The following JHY variants were observed in gnomAD, a reference collection of about 807,000 sequenced individuals.
The protein encoded by JHY is jhy protein homolog.
A neutral mutation model predicts 78.0 loss-of-function variants in JHY; 69 were observed. That is an observed-to-expected ratio of 0.88 (90% CI 0.73 to 1.08). The LOEUF (loss-of-function observed/expected upper bound fraction) is 1.08, where lower values mean the gene tolerates loss of function less well. JHY is among the 50% of genes least tolerant of loss of function. The pLI is 0.00. For missense variants in JHY, 944 were observed against 927.8 expected, an observed-to-expected ratio of 1.02 and a Z score of -0.23; for synonymous variants, 368 against 342.6, an observed-to-expected ratio of 1.07 and a Z score of -0.82.
At chr11:122,925,300 G>C (rs1172529481) in intron 4 of JHY, among the ~76,000 whole-genome samples, 1 of 152,150 alleles carries the variant, frequency 6.6e-6, no homozygotes, top group Non-Finnish European at 1.5e-5. Flanking sequence ...AAGACATGCA[G>C]GAAAAATCAC....
In JHY at chr11:122,934,610, A is replaced by T; in HGVS notation, c.1169A>T (p.Asn390Ile). Reference sequence around the variant, plus strand: ...GAAGAGGTGACTGCCAGTCAGGGGAACCAGAATAACCCTCCCAGGCAGCAA... The same window carrying T: ...GAAGAGGTGACTGCCAGTCAGGGGATCCAGAATAACCCTCCCAGGCAGCAA... ...TTEEVTASQG[N>I]QNNPPRQQQN... The change falls in exon 5 of 9, where the codon AAC becomes ATC. Residue 390 changes from asparagine to isoleucine, a missense_variant. Asn to Ile is a moderately radical substitution (Grantham distance 149). Coordinates refer to ENST00000227349, the MANE Select transcript of JHY (RefSeq NM_024806.4). 6.2e-6 allele frequency: 10 copies of T among 1,614,134 alleles called. No homozygotes were observed. The highest frequency in any genetic ancestry group is 8.5e-6 in the Non-Finnish European group (10 of 1,180,020).
In JHY at chr11:122,934,549, T is replaced by A; in HGVS notation, c.1108T>A (p.Cys370Ser). The change falls in exon 5 of 9, where the codon TGT becomes AGT. Residue 370 changes from cysteine (C) to serine (S), a missense_variant. Cys to Ser is a moderately radical substitution (Grantham distance 112). Coordinates refer to ENST00000227349, the MANE Select transcript of JHY (RefSeq NM_024806.4). ...RPAKLKIRKQ[C>S]KHQNGLKSST... Reference sequence around the variant, plus strand: ...AGCCAAGCTCAAGATTCGAAAGCAGTGTAAACACCAGAATGGCCTGAAGTC... The same window carrying A: ...AGCCAAGCTCAAGATTCGAAAGCAGAGTAAACACCAGAATGGCCTGAAGTC... The A allele has an allele frequency of 6.2e-7, 1 of 1,614,016 alleles. No individual in the cohort carries two copies. Among genetic ancestry groups the A allele is most frequent in the Non-Finnish European group, 8.5e-7 (1 of 1,179,996 alleles).
In JHY at chr11:122,946,759, G is replaced by A. The variant is rs1417970681; in HGVS notation, c.1896G>A (p.Lys632=). The A allele has an allele frequency of 4.3e-6, 7 of 1,610,178 alleles. No homozygotes were observed. Among genetic ancestry groups the A allele is most frequent in the Non-Finnish European group, 5.9e-6 (7 of 1,179,018 alleles). The stretch of plus-strand genomic sequence containing the variant: ...AAGGCTATCTGTTTCAACTGGAAAA[G>A]GGAAAAAAGCATAAGAAAAGAAGCA... ...NSEGYLFQLE[K]GKKHKKRSSS... is the part of the protein sequence containing the mutation. The change falls in exon 6 of 9, where the codon AAG becomes AAA. Residue 632 remains lysine, a synonymous_variant. Transcript: ENST00000227349.
At chr11:122,906,060 G>C (rs554487562) in intron 3 of JHY, among the ~76,000 whole-genome samples, 56 of 151,990 alleles carry the variant, frequency 3.7e-4, no homozygotes, top group Admixed American at 1.8e-3. Context: ...GTGAATTCAA[G>C]CAGTTTTTAG....
At chr11:122,944,169 C>T (rs1383613287) in intron 5 of JHY, among the ~76,000 whole-genome samples, 1 of 152,142 alleles carries the variant, frequency 6.6e-6, no homozygotes, top group African/African-American at 2.4e-5. Context: ...TGCATTCCAG[C>T]CTGGGTGATA....
At chr11:122,949,164 A>G (rs1864033016) in intron 6 of JHY, among the ~76,000 whole-genome samples, 1 of 152,018 alleles carries the variant, frequency 6.6e-6, no homozygotes, top group Non-Finnish European at 1.5e-5. Context: ...AACATGGTGC[A>G]TGCTGGGGAT....
At chr11:122,947,024 A>C (rs1196816794) in intron 6 of JHY, 2 of 442,556 alleles carry the variant, frequency 4.5e-6, no homozygotes, top group African/African-American at 2.0e-5. Flanking sequence ...CCTCCTGTTC[A>C]AGTCATCTTG....
At chr11:122,905,510 G>C in intron 3 of JHY, 1 of 1,148,250 alleles carries the variant, frequency 8.7e-7, no homozygotes. Context: ...TTTTCTAATG[G>C]AACAAAATAG....
intron 2 of JHY, among the ~76,000 whole-genome samples, chr11:122,900,554 T>G (rs1862831795): frequency 7.4e-6 from 1 of 134,844 alleles, no homozygotes; most frequent in South Asian, 2.6e-4. Flanking sequence ...TGGGGGTGCT[T>G]TACAAATTGA....
intron 4 of JHY, among the ~76,000 whole-genome samples, chr11:122,932,150 C>T (rs892530556): frequency 6.6e-6 from 1 of 152,060 alleles, no homozygotes; most frequent in Non-Finnish European, 1.5e-5. Context: ...GGTCTTGCCA[C>T]CTAAAGAGTG....
intron 2 of JHY, 33 bp downstream of exon 2, chr11:122,886,226 G>A: frequency 1.3e-6 from 2 of 1,540,984 alleles, no homozygotes; most frequent in African/African-American, 1.4e-5. Flanking sequence ...ATAATAATGG[G>A]CTCTAAAATG....
intron 3 of JHY, among the ~76,000 whole-genome samples, chr11:122,922,139 C>A (rs1863379840): frequency 2.0e-5 from 3 of 152,188 alleles, no homozygotes; most frequent in Non-Finnish European, 4.4e-5. Context: ...AGAAGAATTT[C>A]ATGATCAAAC....
At chr11:122,909,046 C>T (rs1051519073) in intron 3 of JHY, among the ~76,000 whole-genome samples, 1 of 152,026 alleles carries the variant, frequency 6.6e-6, no homozygotes, top group African/African-American at 2.4e-5. Context: ...TTCATTTATA[C>T]TTTTTGTGTA....
At chr11:122,910,626 A>G (rs955833811) in intron 3 of JHY, among the ~76,000 whole-genome samples, 1 of 152,218 alleles carries the variant, frequency 6.6e-6, no homozygotes, top group Non-Finnish European at 1.5e-5. Flanking sequence ...GTACCTTTTC[A>G]AATCTCTTAA....
chr11:122,928,555 A>G (rs933388053), intron 4 of JHY, among the ~76,000 whole-genome samples: 35 of 146,282 alleles, frequency 2.4e-4, no homozygotes, highest in Admixed American at 2.3e-3. Context: ...GATACGGGGA[A>G]AAAAAAAAAA....
intron 5 of JHY, among the ~76,000 whole-genome samples, chr11:122,938,986 C>CTT (rs61703024): frequency 3.7e-5 from 5 of 133,862 alleles, no homozygotes; most frequent in South Asian, 2.4e-4. Flanking sequence ...CCTGCTTCTT[C>CTT]TTTTTTTTTT....
Position 122,934,719 on chromosome 11 carries a change from C to G in JHY, c.1278C>G (p.Ala426=), listed in dbSNP as rs369626332. ...IMHASNNDVQ[A]SRALRSHNLK... ...ATGCCTCTAACAATGATGTACAAGC[C>G]TCAAGGGCACTTAGAAGCCACAATC... is the stretch of plus-strand genomic sequence containing the variant. The change falls in exon 5 of 9, where the codon GCC becomes GCG. Residue 426 remains alanine, a synonymous_variant. Transcript: ENST00000227349. 2 of 1,614,012 alleles carry G rather than the reference C, an allele frequency of 1.2e-6. No individual in the cohort carries two copies. Among genetic ancestry groups the G allele is most frequent in the Admixed American group, 1.7e-5 (1 of 59,994 alleles).
At position 122,885,904 on chromosome 11, in the gene JHY, A is replaced by G. The variant is rs1862484224; in HGVS notation, c.55A>G (p.Thr19Ala). 6.2e-7 allele frequency: 1 copy of G among 1,614,142 alleles called. No homozygotes were observed. Among genetic ancestry groups the G allele is most frequent in the East Asian group, 2.2e-5 (1 of 44,880 alleles). The change falls in exon 2 of 9, where the codon ACC becomes GCC. Residue 19 changes from threonine (T) to alanine (A), a missense_variant. Thr to Ala is a moderately conservative substitution (Grantham distance 58). Coordinates refer to ENST00000227349, the MANE Select transcript of JHY (RefSeq NM_024806.4). Reference sequence around the variant, plus strand: ...CTCTATTCAATCTCCTGTCCTTCATACCAACTTAAATGTCCAGTCCACACA... The same window carrying G: ...CTCTATTCAATCTCCTGTCCTTCATGCCAACTTAAATGTCCAGTCCACACA... ...KLSIQSPVLH[T>A]NLNVQSTHPP...
chr11:122,919,352 C>CAA (rs72233254), intron 3 of JHY, among the ~76,000 whole-genome samples: 1,345 of 69,628 alleles, frequency 0.019, 24 homozygotes, highest in African/African-American at 0.045. Flanking sequence ...GACTCTGTCT[C>CAA]AAAAAAAAAA....
Sources: gnomAD v4.1 joint callset for allele counts (sites outside exome capture counted in the v4.1 genomes callset) on GRCh38, gnomAD v4.1.1 for gene constraint, MANE v1.5 for transcripts, NCBI Gene and HGNC (gene_info 2026-07-23, HGNC 2026-07-21) for gene names.